Variants in LSM14A observed in about 807,000 individuals in gnomAD.
LSM14A encodes LSM14A mRNA processing body assembly factor.
In LSM14A, 14 loss-of-function variants were observed where a neutral mutation model predicts 52.4. The ratio of observed to expected loss-of-function variants is 0.27; its 90% CI spans 0.18 to 0.42. The LOEUF is 0.42. Ranked by LOEUF, LSM14A falls within the 10% of genes least tolerant of loss-of-function variation. The pLI is 1.00. For missense variants in LSM14A, 417 were observed against 581.8 expected (o/e 0.72, Z 2.91); for synonymous variants, 185 against 200.3 (o/e 0.92, Z 0.64).
intron 1 of LSM14A, among the ~76,000 whole-genome samples, chr19:34,180,949 C>T (rs1339350681): frequency 1.3e-5 from 2 of 152,184 alleles, no homozygotes; most frequent in African/African-American, 4.8e-5. Flanking sequence ...TCCAACACCT[C>T]CCCCATATTC....
At chr19:34,211,793 C>CA (rs2072177156) in intron 4 of LSM14A, among the ~76,000 whole-genome samples, 1 of 150,444 alleles carries the variant, frequency 6.6e-6, no homozygotes, top group Non-Finnish European at 1.5e-5. Flanking sequence ...CTGTCCCCCC[C>CA]CAAAAAAAAA....
chr19:34,220,699 G>A (rs2073002297), intron 8 of LSM14A, among the ~76,000 whole-genome samples: 1 of 152,172 alleles, frequency 6.6e-6, no homozygotes, highest in African/African-American at 2.4e-5. Flanking sequence ...AACATGGATG[G>A]ACATAATTCT....
At chr19:34,209,650 C>G (rs558184006) in intron 4 of LSM14A, among the ~76,000 whole-genome samples, 2 of 152,222 alleles carry the variant, frequency 1.3e-5, no homozygotes, top group Admixed American at 1.3e-4. Flanking sequence ...AAATGGTTAT[C>G]CATACCTTTT....
intron 4 of LSM14A, among the ~76,000 whole-genome samples, chr19:34,211,482 G>T (rs1362651017): frequency 1.3e-5 from 2 of 151,992 alleles, no homozygotes; most frequent in African/African-American, 4.8e-5. Context: ...CATAAAAGTT[G>T]CATGTAATGG....
intron 3 of LSM14A, among the ~76,000 whole-genome samples, chr19:34,204,858 G>T (rs772001487): frequency 1.3e-5 from 2 of 152,120 alleles, no homozygotes; most frequent in African/African-American, 4.8e-5. Flanking sequence ...TCGGCTGGGC[G>T]CAATGGCTCA....
intron 1 of LSM14A, among the ~76,000 whole-genome samples, chr19:34,192,837 C>T (rs894809579): frequency 4.0e-5 from 6 of 151,348 alleles, no homozygotes; most frequent in African/African-American, 9.7e-5. Flanking sequence ...AAATTAGCTG[C>T]GCATGGTGGC....
intron 1 of LSM14A, among the ~76,000 whole-genome samples, chr19:34,183,067 C>G (rs1232259607): frequency 6.6e-6 from 1 of 152,086 alleles, no homozygotes; most frequent in African/African-American, 2.4e-5. Flanking sequence ...ATTTTCATAT[C>G]TGTCTCTTGG....
At chr19:34,201,709 A>G (rs917014203) in intron 3 of LSM14A, among the ~76,000 whole-genome samples, 3 of 152,166 alleles carry the variant, frequency 2.0e-5, no homozygotes, top group Admixed American at 2.0e-4. Context: ...TTTGGTTCCT[A>G]GTATTCTGAT....
At chr19:34,189,615 C>T (rs1453510679) in intron 1 of LSM14A, among the ~76,000 whole-genome samples, 2 of 151,756 alleles carry the variant, frequency 1.3e-5, no homozygotes, top group African/African-American at 2.4e-5. Flanking sequence ...CAAAGTACTA[C>T]GTGTTATGAA....
At chr19:34,195,041 T>C (rs1321238025) in intron 2 of LSM14A, among the ~76,000 whole-genome samples, 1 of 152,062 alleles carries the variant, frequency 6.6e-6, no homozygotes, top group Non-Finnish European at 1.5e-5. Context: ...GGATCCGTGC[T>C]ACCATGCTAT....
rs547490445 is a variant in LSM14A at position 34,186,332 on chromosome 19, G to A, written c.122-8146G>A. On this transcript the variant is annotated intron_variant, in intron 1 of 9. Coordinates refer to ENST00000544216, the MANE Select transcript of LSM14A (RefSeq NM_015578.4). The stretch of plus-strand genomic sequence containing the variant: ...CCTAGATATTTGATCAAATATTTTC[G>A]ATGTTTCTGTTTAAGTATTTTTTGT... Among the ~76,000 whole-genome samples, 4 of 152,286 alleles carry A rather than the reference G, an allele frequency of 2.6e-5. No homozygotes were observed. In the South Asian group the frequency reaches 8.3e-4, roughly 32 times the overall value.
intron 3 of LSM14A, among the ~76,000 whole-genome samples, chr19:34,204,561 A>T (rs1568488300): frequency 6.6e-6 from 1 of 151,294 alleles, no homozygotes; most frequent in African/African-American, 2.4e-5. Flanking sequence ...AAAAAAAAAA[A>T]AAATTTAAGT....
At chr19:34,197,000 G>A (rs1487369921) in intron 3 of LSM14A, among the ~76,000 whole-genome samples, 2 of 151,392 alleles carry the variant, frequency 1.3e-5, no homozygotes, top group Non-Finnish European at 2.9e-5. Context: ...AAAAAAAAAT[G>A]GATATACTAG....
At chr19:34,180,643 C>T (rs1477310769) in intron 1 of LSM14A, among the ~76,000 whole-genome samples, 1 of 152,158 alleles carries the variant, frequency 6.6e-6, no homozygotes, top group African/African-American at 2.4e-5. Flanking sequence ...ATCTTACTGC[C>T]TTTCACTGTC....
At chr19:34,173,804 G>GATA (rs1052431838) in intron 1 of LSM14A, among the ~76,000 whole-genome samples, 6 of 151,538 alleles carry the variant, frequency 4.0e-5, no homozygotes, top group Non-Finnish European at 8.8e-5. Flanking sequence ...GGACCCTGTG[G>GATA]ATAGGTTAGG....
intron 4 of LSM14A, among the ~76,000 whole-genome samples, chr19:34,212,994 A>T (rs1227411250): frequency 6.6e-6 from 1 of 151,786 alleles, no homozygotes; most frequent in Non-Finnish European, 1.5e-5. Flanking sequence ...CATGTGAAAT[A>T]AAAAAAATTA....
rs1225408041 is a variant in LSM14A at position 34,172,564 on chromosome 19, C to T, written c.-79C>T. 16 of 1,418,152 alleles carry T rather than the reference C, an allele frequency of 1.1e-5. No homozygotes were observed. The African/African-American group carries it at 2.3e-4, about 20-fold the overall frequency. 87.8% of individuals were successfully genotyped at this position (1,418,152 alleles called of 1,614,324 possible). On this transcript the variant is annotated 5_prime_UTR_variant, in exon 1 of 10. Coordinates refer to ENST00000544216, the MANE Select transcript of LSM14A (RefSeq NM_015578.4). ...GCGGCTGCTGTAGGCGCCGACGGAG[C>T]GAGCGGGCGTGCGGAGCGGGCGACA...
intron 1 of LSM14A, among the ~76,000 whole-genome samples, chr19:34,185,920 T>C (rs1030931976): frequency 6.6e-6 from 1 of 152,250 alleles, no homozygotes; most frequent in Non-Finnish European, 1.5e-5. Flanking sequence ...CACTTTCCCA[T>C]TCTATCAACA....
chr19:34,228,344 T>C lies in LSM14A; in HGVS notation c.*956T>C, dbSNP rs200210578. 26 of 152,804 alleles carry C rather than the reference T, an allele frequency of 1.7e-4. No homozygotes were observed. In the East Asian group the frequency reaches 3.7e-3, roughly 22 times the overall value. The allele number at this position is 152,804 out of a possible 1,614,324, so 9.5% of individuals were successfully genotyped here. A position where few individuals can be genotyped will look rare whatever the true frequency, so the allele number is the denominator to read the frequency against. ...ATAATCGATATTTTCAGTATACAAA[T>C]GTAAATAATCACAGATGAGAATGTA... On this transcript the variant is annotated 3_prime_UTR_variant, in exon 10 of 10. Coordinates refer to ENST00000544216, the MANE Select transcript of LSM14A (RefSeq NM_015578.4).
Sources: allele counts gnomAD v4.1 joint callset (sites outside exome capture counted in the v4.1 genomes callset), GRCh38; gene constraint gnomAD v4.1.1; transcripts MANE v1.5; gene names NCBI Gene and HGNC (gene_info 2026-07-23, HGNC 2026-07-21).